The following HDGFL3 variants were observed in gnomAD, a reference collection of about 807,000 sequenced individuals.
HDGFL3 encodes HDGF like 3, also known as hepatoma-derived growth factor-related protein 3.
In HDGFL3, 6 loss-of-function variants were observed where a neutral mutation model predicts 27.6. The ratio of observed to expected loss-of-function variants is 0.22; its 90% CI spans 0.12 to 0.43. HDGFL3 has a LOEUF of 0.43. Ranked by LOEUF, HDGFL3 falls within the 20% of genes least tolerant of loss-of-function variation. The pLI, the probability that HDGFL3 is intolerant of heterozygous loss-of-function variation, is 1.00. For missense variants in HDGFL3, 207 were observed against 250.1 expected (o/e 0.83, Z 1.16); for synonymous variants, 88 against 88.9 (o/e 0.99, Z 0.05).
rs1329814765 is a variant in HDGFL3 at position 83,135,612 on chromosome 15, A to G, written c.*3658T>C. On this transcript the variant is annotated 3_prime_UTR_variant, in exon 6 of 6. Coordinates refer to ENST00000299633, the MANE Select transcript of HDGFL3 (RefSeq NM_016073.4). ...TGCTGTGGTCTGTTTTACCCTTTCC[A>G]ATACGGTTTTCCTCTGTGCTTGCGA... The G allele has an allele frequency of 3.3e-5, 5 of 152,150 alleles. No homozygotes were observed. The highest frequency in any genetic ancestry group is 1.2e-4 in the African/African-American group (5 of 41,430). The allele number at this position is 152,150 out of a possible 1,614,324, so 9.4% of individuals were successfully genotyped here.
chr15:83,187,355 G>T (rs548871348), intron 1 of HDGFL3, among the ~76,000 whole-genome samples: 216 of 148,394 alleles, frequency 1.5e-3, no homozygotes, highest in Non-Finnish European at 2.5e-3. Flanking sequence ...TGTGTGTGTG[G>T]AGAACTACTC....
chr15:83,113,243 C>T (rs1386989673), exon 4 of HDGFL3: 1 of 377,978 alleles, frequency 2.6e-6, no homozygotes, highest in Non-Finnish European at 5.0e-6. Flanking sequence ...GCAGTCCCCC[C>T]CACTTAGTGC....
In HDGFL3 at chr15:83,130,942, T is replaced by G. The variant is rs556148932; in HGVS notation, c.*8328A>C. On this transcript the variant is annotated 3_prime_UTR_variant, in exon 6 of 6. Transcript: ENST00000299633. ...CCCATCTCTACAAAAAATACAAAAA[T>G]TAGGCTGGCGTGATGGCATATGCCT... 2 of 151,696 alleles carry G rather than the reference T, an allele frequency of 1.3e-5. No homozygotes were observed. Among genetic ancestry groups the G allele is most frequent in the African/African-American group, 4.8e-5 (2 of 41,334 alleles). 9.4% of individuals were successfully genotyped at this position (151,696 alleles called of 1,614,324 possible). A position where few individuals can be genotyped will look rare whatever the true frequency, so the allele number is the denominator to read the frequency against.
At chr15:83,188,690 T>C (rs971205920) in intron 1 of HDGFL3, among the ~76,000 whole-genome samples, 1 of 152,160 alleles carries the variant, frequency 6.6e-6, no homozygotes, top group African/African-American at 2.4e-5. Flanking sequence ...ACCATCCACT[T>C]CTTATGAGTC....
chr15:83,121,544 C>G (rs2035245718), intron 3 of HDGFL3, among the ~76,000 whole-genome samples: 2 of 152,130 alleles, frequency 1.3e-5, no homozygotes, highest in East Asian at 3.8e-4. Context: ...ATAACTCATA[C>G]TTATAATGAT....
At chr15:83,200,141 A>G (rs532001965) in intron 1 of HDGFL3, among the ~76,000 whole-genome samples, 30 of 151,616 alleles carry the variant, frequency 2.0e-4, no homozygotes, top group African/African-American at 6.5e-4. Flanking sequence ...CAGGAGATTG[A>G]GACCATCCTG....
intron 4 of HDGFL3, 175 bp downstream of exon 4, chr15:83,157,240 T>G: frequency 1.5e-6 from 1 of 646,646 alleles, no homozygotes; most frequent in Non-Finnish European, 2.6e-6. Context: ...AATAGTCAGA[T>G]TGCTCTAATA....
downstream of HDGFL3, chr15:83,127,235 A>C (rs1211124638): frequency 2.4e-6 from 2 of 816,632 alleles, no homozygotes; most frequent in Non-Finnish European, 3.5e-6. Flanking sequence ...AAAAAAAAAG[A>C]GTCCCATATA....
In HDGFL3 at chr15:83,132,412, G is replaced by A. The variant is rs1239343579; in HGVS notation, c.*6858C>T. 1 of 152,232 alleles carries A rather than the reference G, an allele frequency of 6.6e-6. No individual in the cohort carries two copies. Among genetic ancestry groups the A allele is most frequent in the Non-Finnish European group, 1.5e-5 (1 of 68,050 alleles). 9.4% of individuals were successfully genotyped at this position (152,232 alleles called of 1,614,324 possible). ...GCCTGCCATCCCACAGCCAGCGAAG[G>A]AGGTTCAGTTACTTCAGTCAGGTGC... On this transcript the variant is annotated 3_prime_UTR_variant, in exon 6 of 6. Transcript: ENST00000299633.
At chr15:83,205,041 T>A (rs1292890768) in intron 1 of HDGFL3, among the ~76,000 whole-genome samples, 2 of 152,224 alleles carry the variant, frequency 1.3e-5, no homozygotes, top group African/African-American at 4.8e-5. Context: ...GTTTGAGTCC[T>A]TGGCGCCCCA....
chr15:83,116,499 G>A (rs1354855634), intron 3 of HDGFL3, among the ~76,000 whole-genome samples: 2 of 152,206 alleles, frequency 1.3e-5, no homozygotes, highest in Non-Finnish European at 2.9e-5. Context: ...CAGGAAATGA[G>A]GAAAAGGGCT....
At chr15:83,174,680 A>T (rs2151412524) in intron 1 of HDGFL3, among the ~76,000 whole-genome samples, 1 of 152,332 alleles carries the variant, frequency 6.6e-6, no homozygotes. Flanking sequence ...ATAAAACTTA[A>T]AATGTATGTA....
intron 2 of HDGFL3, 124 bp from the exon 3 acceptor site, chr15:83,158,165 C>G (rs939666815): frequency 7.9e-6 from 6 of 764,324 alleles, no homozygotes; most frequent in African/African-American, 1.8e-5. Context: ...ACATATAAAC[C>G]CTTCAAGTTA....
chr15:83,201,866 T>C (rs565877059), intron 1 of HDGFL3, among the ~76,000 whole-genome samples: 49 of 152,208 alleles, frequency 3.2e-4, no homozygotes, highest in Middle Eastern at 3.4e-3. Context: ...ATTTGCCAAA[T>C]CCTTGGCAAA....
intron 1 of HDGFL3, among the ~76,000 whole-genome samples, chr15:83,197,960 G>A (rs756804492): frequency 6.1e-5 from 9 of 148,120 alleles, no homozygotes; most frequent in African/African-American, 2.0e-4. Flanking sequence ...TGGGGGCGGC[G>A]GGGAGGGGGT....
chr15:83,152,377 T>C (rs2036974526), intron 4 of HDGFL3, among the ~76,000 whole-genome samples: 2 of 152,050 alleles, frequency 1.3e-5, no homozygotes, highest in African/African-American at 4.8e-5. Flanking sequence ...TTGGCCAACA[T>C]GGCAAAACCC....
intron 1 of HDGFL3, chr15:83,184,668 A>G (rs1325234405): frequency 6.6e-6 from 1 of 152,130 alleles, no homozygotes; most frequent in Non-Finnish European, 1.5e-5. Flanking sequence ...TTGGTTTAAT[A>G]TATTAGGTAG....
exon 4 of HDGFL3, chr15:83,113,480 T>C (rs950905713): frequency 6.5e-6 from 1 of 153,210 alleles, no homozygotes; most frequent in Non-Finnish European, 1.5e-5. Context: ...CTAAAGCCCA[T>C]GCCCTTCCAT....
At chr15:83,200,605 T>A (rs1421500615) in intron 1 of HDGFL3, among the ~76,000 whole-genome samples, 1 of 152,240 alleles carries the variant, frequency 6.6e-6, no homozygotes, top group Non-Finnish European at 1.5e-5. Flanking sequence ...AATAGTTCTT[T>A]CATATACATT....
Sources: gnomAD v4.1 joint callset for allele counts (sites outside exome capture counted in the v4.1 genomes callset) on GRCh38, gnomAD v4.1.1 for gene constraint, MANE v1.5 for transcripts, NCBI Gene and HGNC (gene_info 2026-07-23, HGNC 2026-07-21) for gene names.